The following LDLRAD3 variants were observed in gnomAD, a reference collection of about 807,000 sequenced individuals.
The protein encoded by LDLRAD3 is low density lipoprotein receptor class A domain containing 3.
LDLRAD3 carries 20 observed loss-of-function variants against 29.4 expected under a neutral mutation model. The observed-to-expected ratio is 0.68, with a 90% CI of 0.48 to 0.99. LDLRAD3 has a LOEUF of 0.99. LDLRAD3 is among the 50% of genes least tolerant of loss of function. The pLI is 0.00. For missense variants in LDLRAD3, 420 were observed against 454.3 expected (o/e 0.92, Z 0.69); for synonymous variants, 157 against 192.7 (o/e 0.81, Z 1.53).
chr11:36,164,970 A>G (rs1205111612), intron 4 of LDLRAD3, among the ~76,000 whole-genome samples: 3 of 152,264 alleles, frequency 2.0e-5, no homozygotes, highest in Non-Finnish European at 2.9e-5. Context: ...CCATTATAAA[A>G]GTACATATAC....
At position 36,070,639 on chromosome 11, in the gene LDLRAD3, G is replaced by C. The variant is rs147665019; in HGVS notation, c.194-11014G>C. On this transcript the variant is annotated intron_variant, in intron 2 of 5. Coordinates refer to ENST00000315571, the MANE Select transcript of LDLRAD3 (RefSeq NM_174902.4). ...GTGGGTATAAGAAGGTGGTAGAATC[G>C]GTCAGAGCAGGATGTTCACATTTTA... Among the ~76,000 whole-genome samples the C allele has an allele frequency of 3.1e-3, 465 of 152,252 alleles. 4 individuals carry two copies. The highest frequency in any genetic ancestry group is 0.01 in the African/African-American group (424 of 41,546).
At chr11:36,128,705 C>T (rs373544136) in intron 4 of LDLRAD3, among the ~76,000 whole-genome samples, 1 of 151,974 alleles carries the variant, frequency 6.6e-6, no homozygotes, top group Non-Finnish European at 1.5e-5. Flanking sequence ...AAAAATTAGC[C>T]TGGTGTGGTG....
At chr11:36,069,521 T>G (rs1466911139) in intron 2 of LDLRAD3, among the ~76,000 whole-genome samples, 2 of 152,210 alleles carry the variant, frequency 1.3e-5, no homozygotes, top group African/African-American at 4.8e-5. Context: ...TTATGTGAAT[T>G]TTATACTTTG....
At chr11:36,212,049 A>G (rs996569684) in intron 4 of LDLRAD3, among the ~76,000 whole-genome samples, 1 of 152,254 alleles carries the variant, frequency 6.6e-6, no homozygotes, top group South Asian at 2.1e-4. Context: ...AAATAGCTAC[A>G]GTAAGCAATA....
intron 4 of LDLRAD3, among the ~76,000 whole-genome samples, chr11:36,202,330 G>A (rs1025654724): frequency 1.3e-5 from 2 of 152,124 alleles, no homozygotes; most frequent in East Asian, 1.9e-4. Flanking sequence ...GAGCCACTGC[G>A]CCTGGCAGGG....
At chr11:36,172,060 GT>G (rs1854605873) in intron 4 of LDLRAD3, among the ~76,000 whole-genome samples, 1 of 151,950 alleles carries the variant, frequency 6.6e-6, no homozygotes, top group Non-Finnish European at 1.5e-5. Context: ...TTCCTAAGGT[GT>G]TTTTTTGTTT....
At chr11:36,097,802 G>C (rs1853383676) in intron 3 of LDLRAD3, among the ~76,000 whole-genome samples, 1 of 151,774 alleles carries the variant, frequency 6.6e-6, no homozygotes, top group Non-Finnish European at 1.5e-5. Context: ...AATTTCTCCT[G>C]TACCCCGTAT....
At chr11:36,193,816 G>A (rs568051505) in intron 4 of LDLRAD3, among the ~76,000 whole-genome samples, 2 of 152,158 alleles carry the variant, frequency 1.3e-5, no homozygotes, top group Non-Finnish European at 2.9e-5. Context: ...AAGCCACCGA[G>A]TGTAGTGGAA....
chr11:36,099,607 CAT>C (rs1853416040), intron 4 of LDLRAD3, among the ~76,000 whole-genome samples: 1 of 152,010 alleles, frequency 6.6e-6, no homozygotes, highest in Non-Finnish European at 1.5e-5. Flanking sequence ...CTGGTTAACT[CAT>C]ATATTGGGAG....
chr11:36,045,473 T>G (rs1590224018), intron 2 of LDLRAD3, among the ~76,000 whole-genome samples: 1 of 152,230 alleles, frequency 6.6e-6, no homozygotes, highest in East Asian at 1.9e-4. Context: ...GTGGTTTCTC[T>G]GAAGGTTCTA....
At chr11:35,962,765 CTT>C (rs1172283042) in intron 1 of LDLRAD3, among the ~76,000 whole-genome samples, 1 of 152,144 alleles carries the variant, frequency 6.6e-6, no homozygotes, top group Non-Finnish European at 1.5e-5. Context: ...TCTCTGTAGA[CTT>C]GAGCTATTTG....
intron 4 of LDLRAD3, among the ~76,000 whole-genome samples, chr11:36,180,731 C>T (rs930142534): frequency 1.3e-5 from 2 of 151,706 alleles, no homozygotes; most frequent in African/African-American, 2.4e-5. Context: ...AGATGGGAGA[C>T]TCTGGCTGTA....
chr11:36,026,530 G>A (rs75265395), intron 1 of LDLRAD3, among the ~76,000 whole-genome samples: 3,798 of 152,230 alleles, frequency 0.025, 48 homozygotes, highest in East Asian at 0.065. Context: ...CCACATTCCC[G>A]GGAGGTTAGG....
rs1041758517 is a variant in LDLRAD3 at position 36,231,489 on chromosome 11, G to A, written c.*2092G>A. ...GAAGGGCTTTATTTCTCCCTTTGATGGGGCCCCTTCTTCTTTCTGGTGCTC... is the reference window on the plus strand; with the variant it reads ...GAAGGGCTTTATTTCTCCCTTTGATAGGGCCCCTTCTTCTTTCTGGTGCTC... On this transcript the variant is annotated 3_prime_UTR_variant, in exon 6 of 6. Coordinates refer to ENST00000315571, the MANE Select transcript of LDLRAD3 (RefSeq NM_174902.4). 1 of 152,050 alleles carries A rather than the reference G, an allele frequency of 6.6e-6. No homozygotes were observed. Among genetic ancestry groups the A allele is most frequent in the African/African-American group, 2.4e-5 (1 of 41,378 alleles). The allele number at this position is 152,050 out of a possible 1,614,324, so 9.4% of individuals were successfully genotyped here.
intron 2 of LDLRAD3, among the ~76,000 whole-genome samples, chr11:36,071,347 A>T (rs540489321): frequency 6.6e-6 from 1 of 152,226 alleles, no homozygotes; most frequent in African/African-American, 2.4e-5. Context: ...GAGGCAGTCA[A>T]CAGTCAAAAG....
chr11:36,224,086 T>A (rs559279179), intron 4 of LDLRAD3, among the ~76,000 whole-genome samples: 85 of 148,248 alleles, frequency 5.7e-4, no homozygotes, highest in African/African-American at 2.0e-3. Flanking sequence ...TAATTATATA[T>A]TATATAATTA....
chr11:36,062,843 C>T (rs1304486523), intron 2 of LDLRAD3, among the ~76,000 whole-genome samples: 1 of 152,178 alleles, frequency 6.6e-6, no homozygotes, highest in Non-Finnish European at 1.5e-5. Flanking sequence ...AACCTCTTTC[C>T]TTTATAAATT....
chr11:36,067,424 C>G (rs769376282), intron 2 of LDLRAD3, among the ~76,000 whole-genome samples: 2 of 152,002 alleles, frequency 1.3e-5, no homozygotes, highest in Non-Finnish European at 2.9e-5. Flanking sequence ...ATGTATAAAA[C>G]GATAGCAAAT....
chr11:36,129,137 C>A (rs1396658618), intron 4 of LDLRAD3, among the ~76,000 whole-genome samples: 2 of 152,056 alleles, frequency 1.3e-5, no homozygotes, highest in Admixed American at 1.3e-4. Flanking sequence ...TTTAATAGAC[C>A]TTCCCAGATA....
Sources: allele counts gnomAD v4.1 joint callset (sites outside exome capture counted in the v4.1 genomes callset), GRCh38; gene constraint gnomAD v4.1.1; transcripts MANE v1.5; gene names NCBI Gene and HGNC (gene_info 2026-07-23, HGNC 2026-07-21).